TRPM4: variants seen among roughly 807,000 people sequenced by gnomAD.
The protein encoded by TRPM4 is transient receptor potential cation channel subfamily M member 4, also known as calcium-activated non-selective cation channel 1.
Under a neutral mutation model 135.6 loss-of-function variants are expected in TRPM4, and 124 were observed. That is an observed-to-expected ratio of 0.91 (90% CI 0.79 to 1.06). The LOEUF (loss-of-function observed/expected upper bound fraction) is 1.06, where lower values mean the gene tolerates loss of function less well. Ranked by LOEUF, TRPM4 falls within the 50% of genes least tolerant of loss-of-function variation. The pLI, the probability that TRPM4 is intolerant of heterozygous loss-of-function variation, is 0.00. For synonymous variants in TRPM4, 745 were observed against 705.6 expected (o/e 1.06, Z -0.88); for missense variants, 1,658 against 1,671.4 (o/e 0.99, Z 0.14).
In TRPM4 at chr19:49,171,907, T is replaced by C; in HGVS notation, c.1051-102T>C. 1 of 1,364,624 alleles carries C rather than the reference T, an allele frequency of 7.3e-7. No homozygotes were observed. Among genetic ancestry groups the C allele is most frequent in the South Asian group, 1.2e-5 (1 of 85,094 alleles). The allele number at this position is 1,364,624 out of a possible 1,614,324, so 84.5% of individuals were successfully genotyped here. On this transcript the variant is annotated intron_variant, in intron 8 of 24. Transcript: ENST00000252826. This position sits in a 1 kb window ranked among gnomAD's most constrained non-coding sequence, Gnocchi z 4.7. The stretch of plus-strand genomic sequence containing the variant: ...AAGAGGGTGCTGGGCATATAGACTA[T>C]TAGGTCCTGGAGGGGAATGGCCTCC...
intron 2 of TRPM4, chr19:49,160,042 A>C (rs1013613114): frequency 1.3e-5 from 2 of 152,258 alleles, no homozygotes; most frequent in Non-Finnish European, 1.5e-5. Flanking sequence ...AAGGGGTTGC[A>C]GCTCCCAAAG....
chr19:49,188,641 G>C lies in TRPM4; in HGVS notation c.1744G>C (p.Gly582Arg). 6.2e-7 allele frequency: 1 copy of C among 1,614,184 alleles called. No homozygotes were observed. Among genetic ancestry groups the C allele is most frequent in the Non-Finnish European group, 8.5e-7 (1 of 1,180,052 alleles). The change falls in exon 13 of 25, where the codon GGT (glycine) becomes CGT (arginine). Residue 582 changes from glycine to arginine, a missense_variant and splice_region_variant. Transcript: ENST00000252826. ...AQMAMYFWEM[G>R]SNAVSSALGA... ...ATCCGTGCCCTCTTTGTCTCTCCAG[G>C]GTTCCAATGCAGTTTCCTCAGCTCT...
chr19:49,168,189 T>TGC, intron 4 of TRPM4, 71 bp from the exon 5 acceptor site: 1 of 1,602,244 alleles, frequency 6.2e-7, no homozygotes, highest in South Asian at 1.1e-5. Flanking sequence ...CCGCCCAGTG[T>TGC]GTGTGTGTGT....
At chr19:49,182,433 CA>C in intron 10 of TRPM4, 144 bp from the exon 11 acceptor site, 1 of 712,256 alleles carries the variant, frequency 1.4e-6, no homozygotes, top group East Asian at 2.7e-5. Context: ...TCTACCTATC[CA>C]TTCATCCATC....
chr19:49,157,874 T>C lies in TRPM4; in HGVS notation c.8T>C (p.Val3Ala), dbSNP rs1600378229. The C allele has an allele frequency of 2.6e-6, 4 of 1,534,500 alleles. No homozygotes were observed. The highest frequency in any genetic ancestry group is 1.9e-4 in the Middle Eastern group (1 of 5,214). ...TGCGGCGGCCGCGGCAGCATGGTGGTGCCGGAGAAGGAGCAGGTGAGCGCC... is the reference window on the plus strand; with the variant it reads ...TGCGGCGGCCGCGGCAGCATGGTGGCGCCGGAGAAGGAGCAGGTGAGCGCC... MV[V>A]PEKEQSWIPK... The change falls in exon 1 of 25, where the codon GTG (valine) becomes GCG (alanine). Residue 3 changes from valine (V) to alanine (A), a missense_variant. Transcript: ENST00000252826.
At position 49,200,698 on chromosome 19, in the gene TRPM4, G is replaced by A; in HGVS notation, c.2866G>A (p.Asp956Asn). The A allele has an allele frequency of 6.2e-7, 1 of 1,614,094 alleles. No individual in the cohort carries two copies. The highest frequency in any genetic ancestry group is 2.2e-5 in the East Asian group (1 of 44,866). The part of the protein sequence containing the change: ...VATEGLLRPR[D>N]SDFPSILRRV... ...CACGGAGGGGCTCCTGAGGCCACGG[G>A]ACAGTGACTTCCCAAGTATCCTGCG... Residue 956 changes from aspartate (D) to asparagine (N), a missense_variant, in exon 19 of 25, where the codon GAC (aspartate) becomes AAC (asparagine). Physicochemically the swap from Asp to Asn is conservative, Grantham distance 23. This residue lies in a region of TRPM4 where 1,412 missense variants were observed against 1,408.7 expected (regional missense o/e 1.00). Coordinates refer to ENST00000252826, the MANE Select transcript of TRPM4 (RefSeq NM_017636.4).
intron 2 of TRPM4, among the ~76,000 whole-genome samples, chr19:49,162,638 A>G (rs1480124122): frequency 1.3e-5 from 2 of 151,254 alleles, no homozygotes; most frequent in African/African-American, 2.4e-5. Context: ...TGCAGAAGGA[A>G]TGGCTCCTAG....
rs1967442670 is a variant in TRPM4, at chr19:49,171,290, C to T, written c.797-67C>T. 4 of 1,562,346 alleles carry T rather than the reference C, an allele frequency of 2.6e-6. No homozygotes were observed. Among genetic ancestry groups the T allele is most frequent in the South Asian group, 1.1e-5 (1 of 90,086 alleles). Reference sequence around the variant, plus strand: ...GATGTTTGCCGACTCCTGGGAAATGCGGTTTTCTCCTATCTCCAGCAAAGG... The same window carrying T: ...GATGTTTGCCGACTCCTGGGAAATGTGGTTTTCTCCTATCTCCAGCAAAGG... On this transcript the variant is annotated intron_variant, in intron 6 of 24. Transcript: ENST00000252826. This position sits in a 1 kb window ranked among gnomAD's most constrained non-coding sequence, Gnocchi z 4.7.
At position 49,210,567 on chromosome 19, in the gene TRPM4, C is replaced by A; in HGVS notation, c.3329-143C>A. 6.9e-7 allele frequency: 1 copy of A among 1,449,584 alleles called. No individual in the cohort carries two copies. Among genetic ancestry groups the A allele is most frequent in the Non-Finnish European group, 9.5e-7 (1 of 1,048,602 alleles). 89.8% of individuals were successfully genotyped at this position (1,449,584 alleles called of 1,614,324 possible). A position where few individuals can be genotyped will look rare whatever the true frequency, so the allele number is the denominator to read the frequency against. Reference sequence around the variant, plus strand: ...GGAGCTTAAGCACTGAGGGGCAGTGCTTACGGGTGAGGGGCGGGGCATGTT... The same window carrying A: ...GGAGCTTAAGCACTGAGGGGCAGTGATTACGGGTGAGGGGCGGGGCATGTT... On this transcript the variant is annotated intron_variant, in intron 21 of 24. Transcript: ENST00000252826. This position sits in a 1 kb window ranked among gnomAD's most constrained non-coding sequence, Gnocchi z 4.1.
chr19:49,210,321 AT>A lies in TRPM4; in HGVS notation c.3245del (p.Ile1082ThrfsTer41). 6.2e-7 allele frequency: 1 copy of A among 1,614,146 alleles called. No individual in the cohort carries two copies. Among genetic ancestry groups the A allele is most frequent in the Non-Finnish European group, 8.5e-7 (1 of 1,180,016 alleles). On this transcript the variant is annotated frameshift_variant, in exon 21 of 25. Coordinates refer to ENST00000252826, the MANE Select transcript of TRPM4 (RefSeq NM_017636.4). LOFTEE classifies it high-confidence loss of function. The surrounding 1 kb of genome is among the most constrained non-coding windows in gnomAD (Gnocchi z 4.1). ...CGCGCTGGCCCCGCCCTTTATCGTC[AT>A]CTCCCACTTGCGCCTCCTGCTCAGG... ...RPALAPPFIVISHLRLLLRQL... is the reference protein window; with the variant it reads ...RPALAPPFIVXSHLRLLLRQL...
intron 9 of TRPM4, among the ~76,000 whole-genome samples, chr19:49,179,241 G>T (rs754640014): frequency 2.0e-5 from 3 of 151,238 alleles, no homozygotes; most frequent in Non-Finnish European, 4.4e-5. Context: ...TTTTAGCAGA[G>T]ACGAGGTTTC....
intron 17 of TRPM4, among the ~76,000 whole-genome samples, chr19:49,199,407 T>C (rs1212417810): frequency 1.3e-5 from 2 of 152,184 alleles, no homozygotes; most frequent in Admixed American, 6.6e-5. Flanking sequence ...TACAGGTGCC[T>C]GCCTCCACGC....
At position 49,181,525 on chromosome 19, in the gene TRPM4, G is replaced by C. The variant is rs1967922711; in HGVS notation, c.1263+64G>C. The C allele has an allele frequency of 4.6e-6, 4 of 878,964 alleles. No homozygotes were observed. In the East Asian group the frequency reaches 1.1e-4, roughly 24 times the overall value. 54.4% of individuals were successfully genotyped at this position (878,964 alleles called of 1,614,324 possible). Reference sequence around the variant, plus strand: ...AGGGACTGTGCTGTCCTCCCTCTCTGCCTTCTTTTTTTTTTTTTTTTTTTT... The same window carrying C: ...AGGGACTGTGCTGTCCTCCCTCTCTCCCTTCTTTTTTTTTTTTTTTTTTTT... On this transcript the variant is annotated intron_variant, in intron 10 of 24. Transcript: ENST00000252826.
rs1969359818 is a variant in TRPM4 at position 49,211,248 on chromosome 19, C to CCTGA, written c.3621_3624dup (p.Leu1209Ter). On this transcript the variant is annotated frameshift_variant, in exon 24 of 25. Transcript: ENST00000252826. LOFTEE classifies it high-confidence loss of function. The surrounding 1 kb of genome is among the most constrained non-coding windows in gnomAD (Gnocchi z 4.8). The stretch of plus-strand genomic sequence containing the variant: ...GCTGCCCCCAGGTGGGCCGCCACCC[C>CCTGA]CTGACCTGCCTGGGTCCAAAGGTCA... 3 of 1,584,748 alleles carry CCTGA rather than the reference C, an allele frequency of 1.9e-6. No individual in the cohort carries two copies. Among genetic ancestry groups the CCTGA allele is most frequent in the Non-Finnish European group, 2.6e-6 (3 of 1,166,272 alleles).
intron 2 of TRPM4, among the ~76,000 whole-genome samples, chr19:49,163,169 C>A (rs1368520888): frequency 1.3e-5 from 2 of 150,226 alleles, no homozygotes; most frequent in South Asian, 2.1e-4. Flanking sequence ...CCAGACTATT[C>A]CGTGAAGAGC....
At chr19:49,162,494 G>T (rs753952915) in intron 2 of TRPM4, among the ~76,000 whole-genome samples, 2 of 151,966 alleles carry the variant, frequency 1.3e-5, no homozygotes, top group Non-Finnish European at 2.9e-5. Context: ...AGCTGAGATC[G>T]TACCACTGCA....
intron 19 of TRPM4, 73 bp from the exon 20 acceptor site, chr19:49,201,891 G>A (rs752717778): frequency 4.0e-5 from 61 of 1,542,926 alleles, no homozygotes; most frequent in Non-Finnish European, 4.9e-5. Flanking sequence ...GTGAGCCACC[G>A]CGCCCGGCAG....
rs759653902 is a variant in TRPM4, at chr19:49,190,635, G to C, written c.2133-61G>C. 3 of 1,553,128 alleles carry C rather than the reference G, an allele frequency of 1.9e-6. No homozygotes were observed. In the African/African-American group the frequency reaches 4.1e-5, roughly 21 times the overall value. On this transcript the variant is annotated intron_variant, in intron 15 of 24. Transcript: ENST00000252826. ...GGGTGAAGAAGTTTGAGTTTTGCTG[G>C]AGAATGCCTCTCCACCTTCTCTTCC...
At chr19:49,201,000 C>CTTTTTTTTTT (rs771981417) in intron 19 of TRPM4, among the ~76,000 whole-genome samples, 1 of 140,766 alleles carries the variant, frequency 7.1e-6, no homozygotes. Context: ...TTTCTTTTTT[C>CTTTTTTTTTT]TTTTTTTTTT....
Sources: gnomAD v4.1 joint callset for allele counts (sites outside exome capture counted in the v4.1 genomes callset) on GRCh38, gnomAD v4.1.1 for gene constraint, gnomAD v4.1.1 regional missense constraint, Gnocchi (gnomAD v3.1) non-coding constraint, MANE v1.5 for transcripts, NCBI Gene and HGNC (gene_info 2026-07-23, HGNC 2026-07-21) for gene names.